The following RSPO3 variants were observed in gnomAD, a reference collection of about 807,000 sequenced individuals.
The protein encoded by RSPO3 is R-spondin 3, also known as R-spondin-3.
Under a neutral mutation model 36.5 loss-of-function variants are expected in RSPO3, and 17 were observed. The observed-to-expected ratio is 0.47, with a 90% confidence interval of 0.32 to 0.70. The LOEUF is 0.70. Ranked by LOEUF, RSPO3 falls within the 30% of genes least tolerant of loss-of-function variation. The pLI is 0.04. For missense variants in RSPO3, 294 were observed against 322.5 expected, an observed-to-expected ratio of 0.91 and a Z score of 0.68; for synonymous variants, 108 against 107.0, an observed-to-expected ratio of 1.01 and a Z score of -0.06.
intron 1 of RSPO3, among the ~76,000 whole-genome samples, chr6:127,143,099 A>G (rs1774312610): frequency 6.6e-6 from 1 of 151,896 alleles, no homozygotes; most frequent in South Asian, 2.1e-4. Flanking sequence ...ACCTAACAAC[A>G]TATTTATCAT....
At chr6:127,188,793 C>G (rs868075899) in intron 4 of RSPO3, among the ~76,000 whole-genome samples, 1 of 152,188 alleles carries the variant, frequency 6.6e-6, no homozygotes, top group African/African-American at 2.4e-5. Context: ...ATTCAAATTT[C>G]AAGAGATTAA....
chr6:127,172,403 G>T (rs1774957432), intron 4 of RSPO3, among the ~76,000 whole-genome samples: 1 of 151,540 alleles, frequency 6.6e-6, no homozygotes, highest in Admixed American at 6.6e-5. Context: ...AGCTGGAAGG[G>T]ATTTATTCAT....
chr6:127,152,150 A>G (rs1187050506), intron 3 of RSPO3, among the ~76,000 whole-genome samples: 1 of 152,174 alleles, frequency 6.6e-6, no homozygotes, highest in East Asian at 1.9e-4. Flanking sequence ...TGCTAGTAAG[A>G]CTAAGACTAT....
intron 4 of RSPO3, among the ~76,000 whole-genome samples, chr6:127,169,313 T>C (rs1221578420): frequency 2.0e-5 from 3 of 151,882 alleles, no homozygotes; most frequent in Admixed American, 2.0e-4. Flanking sequence ...GATACTGCAA[T>C]CTTACATGTG....
At chr6:127,142,349 G>A (rs1020447117) in intron 1 of RSPO3, among the ~76,000 whole-genome samples, 2 of 152,118 alleles carry the variant, frequency 1.3e-5, no homozygotes, top group African/African-American at 4.8e-5. Context: ...ATTTTCTTGG[G>A]TTGACTGGGC....
At chr6:127,135,922 G>C (rs957247358) in intron 1 of RSPO3, among the ~76,000 whole-genome samples, 1 of 106,714 alleles carries the variant, frequency 9.4e-6, no homozygotes, top group African/African-American at 3.7e-5. Context: ...CTGAGACCCT[G>C]CCTCAAAAAA....
chr6:127,142,748 AT>A (rs1416997670), intron 1 of RSPO3, among the ~76,000 whole-genome samples: 1 of 151,990 alleles, frequency 6.6e-6, no homozygotes, highest in Non-Finnish European at 1.5e-5. Flanking sequence ...TCTGTTAAAC[AT>A]TTACTACTTT....
chr6:127,170,152 G>C (rs1774907082), intron 4 of RSPO3, among the ~76,000 whole-genome samples: 1 of 151,730 alleles, frequency 6.6e-6, no homozygotes, highest in Non-Finnish European at 1.5e-5. Flanking sequence ...GCATTTGACT[G>C]GGTCTTGCTT....
chr6:127,144,157 G>A (rs555347685), intron 1 of RSPO3, among the ~76,000 whole-genome samples: 1 of 152,114 alleles, frequency 6.6e-6, no homozygotes, highest in East Asian at 1.9e-4. Flanking sequence ...TAATAAACAA[G>A]TTAAGAAATA....
chr6:127,121,979 G>A (rs2114531818), intron 1 of RSPO3, among the ~76,000 whole-genome samples: 1 of 106,536 alleles, frequency 9.4e-6, no homozygotes, highest in Non-Finnish European at 2.0e-5. Flanking sequence ...TAGAAAATTA[G>A]GTGTTAAAAA....
At chr6:127,192,588 A>T in intron 4 of RSPO3, 1 of 848,236 alleles carries the variant, frequency 1.2e-6, no homozygotes, top group Non-Finnish European at 1.4e-6. Flanking sequence ...CTCAGATTGT[A>T]CTTGACTGCT....
At chr6:127,139,255 T>C (rs767408202) in intron 1 of RSPO3, among the ~76,000 whole-genome samples, 7 of 152,242 alleles carry the variant, frequency 4.6e-5, no homozygotes, top group Admixed American at 2.0e-4. Flanking sequence ...TCACTATTGG[T>C]ACATCTTCTA....
intron 4 of RSPO3, among the ~76,000 whole-genome samples, chr6:127,188,354 A>T (rs1484407305): frequency 1.3e-5 from 2 of 152,198 alleles, no homozygotes; most frequent in East Asian, 3.8e-4. Flanking sequence ...GTGATTACTG[A>T]TATTTATGAT....
intron 1 of RSPO3, among the ~76,000 whole-genome samples, chr6:127,137,507 T>C (rs529336032): frequency 3.3e-5 from 5 of 152,346 alleles, no homozygotes; most frequent in African/African-American, 1.2e-4. Context: ...CAGTTTGAAC[T>C]AGATACCTCT....
At chr6:127,128,510 C>T (rs913173028) in intron 1 of RSPO3, among the ~76,000 whole-genome samples, 4 of 151,992 alleles carry the variant, frequency 2.6e-5, no homozygotes, top group Non-Finnish European at 5.9e-5. Flanking sequence ...ATTGTAAGAG[C>T]CTTAATTCAA....
chr6:127,168,908 T>C (rs1217370552), intron 4 of RSPO3, among the ~76,000 whole-genome samples: 2 of 152,118 alleles, frequency 1.3e-5, no homozygotes, highest in East Asian at 3.9e-4. Context: ...CAGATGGTTA[T>C]AGATGTGTGG....
At chr6:127,148,905 T>A in intron 2 of RSPO3, 66 bp downstream of exon 2, 1 of 1,185,712 alleles carries the variant, frequency 8.4e-7, no homozygotes, top group Non-Finnish European at 1.2e-6. Flanking sequence ...TGAAATGGCC[T>A]CTAATATATT....
intron 4 of RSPO3, among the ~76,000 whole-genome samples, chr6:127,172,559 C>G (rs914691504): frequency 2.0e-5 from 3 of 151,636 alleles, no homozygotes; most frequent in African/African-American, 7.3e-5. Flanking sequence ...CACTTGGACT[C>G]AAAATCACCT....
At chr6:127,154,714 A>G (rs1774558789) in intron 3 of RSPO3, among the ~76,000 whole-genome samples, 2 of 152,172 alleles carry the variant, frequency 1.3e-5, no homozygotes, top group South Asian at 4.1e-4. Flanking sequence ...GCAAATCAGC[A>G]TTACCTGTAT....
Sources: allele counts gnomAD v4.1 joint callset (sites outside exome capture counted in the v4.1 genomes callset), GRCh38; gene constraint gnomAD v4.1.1; transcripts MANE v1.5; gene names NCBI Gene and HGNC (gene_info 2026-07-23, HGNC 2026-07-21).